ULK4: variants seen among roughly 807,000 people sequenced by gnomAD.
ULK4 encodes the protein inactive serine/threonine-protein kinase ULK4.
A neutral mutation model predicts 160.6 loss-of-function variants in ULK4; 133 were observed. The observed-to-expected ratio is 0.83, with a 90% CI of 0.72 to 0.96. The LOEUF is 0.96. Among genes scored for constraint, ULK4 ranks in the 40% least tolerant of loss-of-function variants. The pLI, the probability that ULK4 is intolerant of heterozygous loss-of-function variation, is 0.00. For synonymous variants in ULK4, 534 were observed against 539.8 expected (o/e 0.99, Z 0.15); for missense variants, 1,580 against 1,499.5 (o/e 1.05, Z -0.89).
At chr3:41,336,662 G>C (rs1040015631) in intron 35 of ULK4, among the ~76,000 whole-genome samples, 7 of 152,200 alleles carry the variant, frequency 4.6e-5, no homozygotes, top group African/African-American at 1.7e-4. Context: ...AATGCCCGTG[G>C]TGTGTGTCTT....
At chr3:41,360,371 A>G (rs1192649682) in intron 35 of ULK4, among the ~76,000 whole-genome samples, 1 of 152,208 alleles carries the variant, frequency 6.6e-6, no homozygotes, top group Non-Finnish European at 1.5e-5. Context: ...TTCCTCAAAG[A>G]CCTGGAGGCA....
At chr3:41,738,153 T>C (rs538904824) in intron 22 of ULK4, among the ~76,000 whole-genome samples, 2 of 151,982 alleles carry the variant, frequency 1.3e-5, no homozygotes, top group South Asian at 4.1e-4. Flanking sequence ...AAATTAAAAA[T>C]AGTCTATTTG....
At chr3:41,562,944 T>G (rs2087648386) in intron 32 of ULK4, among the ~76,000 whole-genome samples, 1 of 152,238 alleles carries the variant, frequency 6.6e-6, no homozygotes, top group African/African-American at 2.4e-5. Flanking sequence ...TGATGTAATT[T>G]CTTCATAGCA....
At chr3:41,852,291 C>T (rs528199922) in intron 17 of ULK4, among the ~76,000 whole-genome samples, 4 of 152,074 alleles carry the variant, frequency 2.6e-5, no homozygotes, top group South Asian at 2.1e-4. Context: ...GATTCACAGC[C>T]GAAAACTACT....
In ULK4 at chr3:41,295,283, CAAAAA is replaced by C. The variant is rs2079648378; in HGVS notation, c.3679-45714_3679-45710del. Reference sequence around the variant, plus strand: ...TGCAGACACAGATCTTTTACTCTCACAAAAATCAACTCAAAATGGATCACAGACCT... The same window carrying C: ...TGCAGACACAGATCTTTTACTCTCACTCAACTCAAAATGGATCACAGACCT... On this transcript the variant is annotated intron_variant, in intron 35 of 36. Transcript: ENST00000301831. Among the ~76,000 whole-genome samples the C allele has an allele frequency of 1.3e-4, 11 of 83,314 alleles. 3 individuals carry two copies. Among genetic ancestry groups the C allele is most frequent in the Non-Finnish European group, 2.4e-4 (8 of 33,568 alleles). 54.7% of individuals were successfully genotyped at this position (83,314 alleles called of 152,430 possible). A position where few individuals can be genotyped will look rare whatever the true frequency, so the allele number is the denominator to read the frequency against.
intron 18 of ULK4, among the ~76,000 whole-genome samples, chr3:41,819,711 T>C (rs2041083058): frequency 6.6e-6 from 1 of 152,202 alleles, no homozygotes; most frequent in Non-Finnish European, 1.5e-5. Flanking sequence ...CTATTTCTCA[T>C]TGCATTATAT....
intron 3 of ULK4, 145 bp downstream of exon 3, chr3:41,937,953 G>A (rs936641502): frequency 8.6e-5 from 42 of 486,550 alleles, no homozygotes; most frequent in Admixed American, 4.0e-5. Context: ...TTTCCCAAAT[G>A]TCTTTGCTCT....
At chr3:41,853,914 C>A (rs937445659) in intron 17 of ULK4, among the ~76,000 whole-genome samples, 2 of 152,202 alleles carry the variant, frequency 1.3e-5, no homozygotes, top group African/African-American at 4.8e-5. Flanking sequence ...TCCACACATG[C>A]ATGTGACCCC....
intron 35 of ULK4, among the ~76,000 whole-genome samples, chr3:41,306,797 T>C (rs370374913): frequency 6.6e-6 from 1 of 151,896 alleles, no homozygotes; most frequent in Non-Finnish European, 1.5e-5. Context: ...TTTTGTTCTG[T>C]ACTAAGAAAA....
chr3:41,736,902 T>C lies in ULK4; in HGVS notation c.2321+17459A>G, dbSNP rs895484850. 2.1e-3 allele frequency among the ~76,000 whole-genome samples: 317 copies of C among 151,988 alleles called. 7 individuals are homozygous for C. Among genetic ancestry groups the C allele is most frequent in the African/African-American group, 7.4e-3 (304 of 41,254 alleles). On this transcript the variant is annotated intron_variant, in intron 22 of 36. Transcript: ENST00000301831. Reference sequence around the variant, plus strand: ...TAAGGAAGGGATCCAGTTTCAGCTTTCTACATATGGCTAGCCAGTTTTCCC... The same window carrying C: ...TAAGGAAGGGATCCAGTTTCAGCTTCCTACATATGGCTAGCCAGTTTTCCC...
Position 41,689,767 on chromosome 3 carries a change from T to C in ULK4, c.2782-7963A>G, listed in dbSNP as rs868547399. 8.6e-4 allele frequency among the ~76,000 whole-genome samples: 131 copies of C among 151,976 alleles called. No homozygotes were observed. The Middle Eastern group carries it at 0.01, about 12-fold the overall frequency. On this transcript the variant is annotated intron_variant, in intron 27 of 36. Transcript: ENST00000301831. ...TACCATCTCACACCAGTTAGAATGGTGATCATTAAAAAGTCAGGAAACAAC... is the reference window on the plus strand; with the variant it reads ...TACCATCTCACACCAGTTAGAATGGCGATCATTAAAAAGTCAGGAAACAAC...
intron 27 of ULK4, chr3:41,688,139 T>C (rs1198524995): frequency 6.6e-6 from 1 of 152,270 alleles, no homozygotes; most frequent in East Asian, 1.9e-4. Flanking sequence ...ACAACACCAA[T>C]AAAGCACTCT....
intron 32 of ULK4, among the ~76,000 whole-genome samples, chr3:41,552,819 AG>A (rs1210102920): frequency 4.6e-5 from 7 of 152,034 alleles, no homozygotes; most frequent in Non-Finnish European, 7.4e-5. Context: ...ACAACAGAAA[AG>A]GTTGGAGGCA....
chr3:41,724,953 T>C (rs1354328553), intron 22 of ULK4, among the ~76,000 whole-genome samples: 3 of 152,178 alleles, frequency 2.0e-5, no homozygotes. Flanking sequence ...CATTTTTCTA[T>C]TGGGTTATCT....
chr3:41,819,492 CTTT>C lies in ULK4; in HGVS notation c.1776_1778del (p.Lys593del). 2 of 1,460,872 alleles carry C rather than the reference CTTT, an allele frequency of 1.4e-6. No individual in the cohort carries two copies. Among genetic ancestry groups the C allele is most frequent in the Admixed American group, 1.9e-5 (1 of 52,898 alleles). 90.5% of individuals were successfully genotyped at this position (1,460,872 alleles called of 1,614,324 possible). On this transcript the variant is annotated inframe_deletion, in exon 19 of 37. Transcript: ENST00000301831. Reference sequence around the variant, plus strand: ...GAACAGCCCAGCACTCTCTAGGGTTCTTTTTTTTTTCTTCCTAAAATGAAGTGG... The same window carrying C: ...GAACAGCCCAGCACTCTCTAGGGTTCTTTTTTTCTTCCTAAAATGAAGTGG...
chr3:41,594,797 G>C, intron 31 of ULK4, among the ~76,000 whole-genome samples: 1 of 152,196 alleles, frequency 6.6e-6, no homozygotes, highest in Non-Finnish European at 1.5e-5. Context: ...CAGGGGAGAT[G>C]AAAGGAGAAG....
At chr3:41,936,319 A>G (rs1318597672) in intron 3 of ULK4, among the ~76,000 whole-genome samples, 1 of 152,242 alleles carries the variant, frequency 6.6e-6, no homozygotes, top group Non-Finnish European at 1.5e-5. Context: ...CACATTCTGC[A>G]AAGTACTGCA....
At chr3:41,703,834 GCACACACACACA>G (rs35693704) in intron 27 of ULK4, among the ~76,000 whole-genome samples, 11 of 129,298 alleles carry the variant, frequency 8.5e-5, no homozygotes, top group South Asian at 2.4e-4. Context: ...TAATGCGCAT[GCACACACACACA>G]CACACACACA....
chr3:41,474,393 A>C (rs967721433), intron 32 of ULK4, among the ~76,000 whole-genome samples: 1 of 152,204 alleles, frequency 6.6e-6, no homozygotes, highest in Non-Finnish European at 1.5e-5. Context: ...AAGACCTGAC[A>C]CTGAAAAACC....
Sources: allele counts gnomAD v4.1 joint callset (sites outside exome capture counted in the v4.1 genomes callset), GRCh38; gene constraint gnomAD v4.1.1; transcripts MANE v1.5; gene names NCBI Gene and HGNC (gene_info 2026-07-23, HGNC 2026-07-21).